Variants in CCDC178 observed in about 807,000 individuals in gnomAD.
The protein encoded by CCDC178 is coiled-coil domain-containing protein 178.
Under a neutral mutation model 117.4 loss-of-function variants are expected in CCDC178, and 126 were observed. The ratio of observed to expected loss-of-function variants is 1.07; its 90% confidence interval spans 0.93 to 1.24. The LOEUF is 1.24. CCDC178 is among the 50% of genes most tolerant of loss of function. The pLI is 0.00. For synonymous variants in CCDC178, 283 were observed against 313.4 expected (o/e 0.90, Z 1.02); for missense variants, 1,030 against 986.9 (o/e 1.04, Z -0.59).
At chr18:33,209,631 A>C (rs1052594295) in intron 20 of CCDC178, among the ~76,000 whole-genome samples, 1 of 152,036 alleles carries the variant, frequency 6.6e-6, no homozygotes, top group Non-Finnish European at 1.5e-5. Context: ...TTCACCATTT[A>C]ACACTCAATA....
Position 33,432,478 on chromosome 18 carries a change from T to TACACACAC in CCDC178, c.-23+7476_-23+7483dup, listed in dbSNP as rs56111462. Among the ~76,000 whole-genome samples, 308 of 143,396 alleles carry TACACACAC rather than the reference T, an allele frequency of 2.1e-3. 2 individuals are homozygous for TACACACAC. Among genetic ancestry groups the TACACACAC allele is most frequent in the African/African-American group, 6.8e-3 (263 of 38,510 alleles). The allele number at this position is 143,396 out of a possible 152,430, so 94.1% of individuals were successfully genotyped here. A position where few individuals can be genotyped will look rare whatever the true frequency, so the allele number is the denominator to read the frequency against. ...ATATAATTCTCTCATGCCTTCTCCATACACACACACACACACACACACACA... is the reference window on the plus strand; with the variant it reads ...ATATAATTCTCTCATGCCTTCTCCATACACACACACACACACACACACACACACACACA... On this transcript the variant is annotated intron_variant, in intron 2 of 22. Coordinates refer to ENST00000383096, the MANE Select transcript of CCDC178 (RefSeq NM_001105528.4).
chr18:33,280,993 C>G (rs891740337), intron 12 of CCDC178, among the ~76,000 whole-genome samples: 2 of 151,892 alleles, frequency 1.3e-5, no homozygotes, highest in African/African-American at 4.8e-5. Flanking sequence ...AGGAGATATA[C>G]CTAATGCTAA....
chr18:33,246,888 TATC>T (rs1384430178), intron 14 of CCDC178, among the ~76,000 whole-genome samples: 1 of 151,946 alleles, frequency 6.6e-6, no homozygotes, highest in African/African-American at 2.4e-5. Context: ...TTATCCCCAA[TATC>T]ATCTTTGTAT....
intron 6 of CCDC178, among the ~76,000 whole-genome samples, chr18:33,368,005 A>G (rs2063238820): frequency 6.6e-6 from 1 of 151,940 alleles, no homozygotes. Context: ...TTCTTCTCAA[A>G]GTATCAACTA....
At chr18:33,291,424 A>C (rs1037058720) in intron 12 of CCDC178, among the ~76,000 whole-genome samples, 1 of 152,158 alleles carries the variant, frequency 6.6e-6, no homozygotes, top group Non-Finnish European at 1.5e-5. Context: ...TTCACAGAAA[A>C]GGAAATACAA....
At chr18:33,132,297 G>T (rs1490045297) in intron 20 of CCDC178, among the ~76,000 whole-genome samples, 13 of 151,628 alleles carry the variant, frequency 8.6e-5, no homozygotes, top group Non-Finnish European at 3.0e-5. Context: ...AGTTACAAAC[G>T]ACTTTTCAAG....
chr18:33,207,464 T>G (rs1404114447), intron 20 of CCDC178, among the ~76,000 whole-genome samples: 1 of 151,228 alleles, frequency 6.6e-6, no homozygotes, highest in East Asian at 2.0e-4. Flanking sequence ...TACTCCACAG[T>G]GGGGTAAGGC....
chr18:33,217,643 T>C (rs1456485440), intron 18 of CCDC178, among the ~76,000 whole-genome samples: 3 of 152,014 alleles, frequency 2.0e-5, no homozygotes, highest in Admixed American at 6.6e-5. Context: ...TAAATGGTAA[T>C]TTGTATTTTA....
intron 4 of CCDC178, among the ~76,000 whole-genome samples, chr18:33,396,125 A>G (rs547601649): frequency 6.6e-6 from 1 of 152,274 alleles, no homozygotes; most frequent in South Asian, 2.1e-4. Flanking sequence ...CAAATGACTC[A>G]TTAGAAAATT....
chr18:33,387,436 T>TCC lies in CCDC178; in HGVS notation c.208+2103_208+2104insGG, dbSNP rs2063508426. 2.6e-5 allele frequency among the ~76,000 whole-genome samples: 4 copies of TCC among 151,908 alleles called. 1 individual carries two copies. In the South Asian group the frequency reaches 8.3e-4, roughly 31 times the overall value. ...GCAAAAAATAAAACAAACCTGGAAG[T>TCC]ATCATGCTACCTGATTTCAAACTAT... is the stretch of plus-strand genomic sequence containing the variant. On this transcript the variant is annotated intron_variant, in intron 5 of 22. Coordinates refer to ENST00000383096, the MANE Select transcript of CCDC178 (RefSeq NM_001105528.4).
chr18:33,124,008 T>A (rs944830446), intron 20 of CCDC178, among the ~76,000 whole-genome samples: 1 of 152,124 alleles, frequency 6.6e-6, no homozygotes, highest in Non-Finnish European at 1.5e-5. Flanking sequence ...CTGATGAGTT[T>A]AACCCAGCAG....
At chr18:32,971,358 C>CT (rs1453443318) in intron 22 of CCDC178, among the ~76,000 whole-genome samples, 1 of 152,024 alleles carries the variant, frequency 6.6e-6, no homozygotes, top group Admixed American at 6.6e-5. Flanking sequence ...TGATCTCATT[C>CT]TTTTTTATGG....
At chr18:33,055,795 A>C (rs552571925) in intron 21 of CCDC178, among the ~76,000 whole-genome samples, 70 of 150,494 alleles carry the variant, frequency 4.7e-4, no homozygotes, top group African/African-American at 1.6e-3. Context: ...TATTACAAGA[A>C]CTCAATGGAT....
At chr18:33,139,579 C>A (rs1474522635) in intron 20 of CCDC178, among the ~76,000 whole-genome samples, 1 of 152,136 alleles carries the variant, frequency 6.6e-6, no homozygotes, top group Admixed American at 6.5e-5. Flanking sequence ...CATTTTGCCT[C>A]TGCCCTAGAG....
intron 21 of CCDC178, among the ~76,000 whole-genome samples, chr18:33,005,488 G>A (rs571116600): frequency 6.8e-4 from 104 of 152,040 alleles, no homozygotes; most frequent in African/African-American, 2.3e-3. Context: ...TGGGGAATAG[G>A]AGATGGTTAA....
chr18:32,955,478 C>T (rs756744253), intron 22 of CCDC178, among the ~76,000 whole-genome samples: 28 of 152,174 alleles, frequency 1.8e-4, no homozygotes, highest in Admixed American at 1.4e-3. Context: ...TTGACATTGC[C>T]TCTTAGCTGA....
At chr18:33,293,096 A>G (rs929100171) in intron 12 of CCDC178, 63 bp downstream of exon 12, 1 of 1,161,926 alleles carries the variant, frequency 8.6e-7, no homozygotes, top group Non-Finnish European at 1.2e-6. Flanking sequence ...TTGACAAAAA[A>G]GTTTACTATT....
chr18:33,218,392 T>C (rs138441181), intron 18 of CCDC178, among the ~76,000 whole-genome samples: 1 of 152,244 alleles, frequency 6.6e-6, no homozygotes, highest in East Asian at 1.9e-4. Flanking sequence ...TTCCTCCCAT[T>C]CTGTAGGTTG....
chr18:33,038,600 G>T lies in CCDC178; in HGVS notation c.2388+54161C>A, dbSNP rs1009459918. 1.6e-4 allele frequency among the ~76,000 whole-genome samples: 24 copies of T among 152,058 alleles called. No individual in the cohort carries two copies. The South Asian group carries it at 3.5e-3, about 22-fold the overall frequency. ...TTGAGACATTTTCATTTCACAGAAGGTAGTGAAGACTTGAAGAATCTCTTC... is the reference window on the plus strand; with the variant it reads ...TTGAGACATTTTCATTTCACAGAAGTTAGTGAAGACTTGAAGAATCTCTTC... On this transcript the variant is annotated intron_variant, in intron 21 of 22. Transcript: ENST00000383096.
Sources: gnomAD v4.1 joint callset for allele counts (sites outside exome capture counted in the v4.1 genomes callset) on GRCh38, gnomAD v4.1.1 for gene constraint, MANE v1.5 for transcripts, NCBI Gene and HGNC (gene_info 2026-07-23, HGNC 2026-07-21) for gene names.